Variants in PCDHA5 observed in about 807,000 individuals in gnomAD.
PCDHA5 encodes the protein protocadherin alpha 5.
A neutral mutation model predicts 61.6 loss-of-function variants in PCDHA5; 43 were observed. The observed-to-expected ratio is 0.70, with a 90% CI of 0.55 to 0.90. The LOEUF (loss-of-function observed/expected upper bound fraction) is 0.90. Among genes scored for constraint, PCDHA5 ranks in the 40% least tolerant of loss-of-function variants. The pLI, the probability that PCDHA5 is intolerant of heterozygous loss-of-function variation, is 0.00. For missense variants in PCDHA5, 1,298 were observed against 1,222.7 expected (o/e 1.06, Z -0.92); for synonymous variants, 627 against 543.9 (o/e 1.15, Z -2.13).
chr5:140,859,907 T>G (rs982789282), intron 1 of PCDHA5: 3 of 150,386 alleles, frequency 2.0e-5, no homozygotes, highest in African/African-American at 5.0e-5. Context: ...CCTTAATGTC[T>G]TATATTATAA....
chr5:140,866,148 A>G (rs1031440226), intron 1 of PCDHA5: 4 of 152,180 alleles, frequency 2.6e-5, no homozygotes, highest in South Asian at 4.1e-4. Flanking sequence ...TGGAAGTGAT[A>G]TAAGTAAGAA....
intron 1 of PCDHA5, among the ~76,000 whole-genome samples, chr5:140,945,295 T>G (rs2093770302): frequency 6.6e-6 from 1 of 152,084 alleles, no homozygotes; most frequent in Non-Finnish European, 1.5e-5. Flanking sequence ...TGAAAGAAAT[T>G]GAAGAAGACA....
chr5:140,856,440 G>C, intron 1 of PCDHA5: 2 of 1,598,404 alleles, frequency 1.3e-6, no homozygotes, highest in East Asian at 2.2e-5. Context: ...AACCCGCCCA[G>C]GTTCTCCGTA....
At chr5:140,834,330 C>T (rs1443082760) in intron 1 of PCDHA5, 11 of 1,472,318 alleles carry the variant, frequency 7.5e-6, no homozygotes, top group African/African-American at 1.4e-5. Context: ...AAAAACATTC[C>T]TATAAATTCG....
At chr5:140,928,321 A>C (rs1296238254) in intron 1 of PCDHA5, 2 of 1,614,044 alleles carry the variant, frequency 1.2e-6, no homozygotes, top group African/African-American at 2.7e-5. Context: ...CCTGGGGAAG[A>C]ATGGCCTTGT....
intron 1 of PCDHA5, chr5:140,835,958 C>T (rs2150249126): frequency 1.9e-6 from 3 of 1,613,058 alleles, no homozygotes; most frequent in Middle Eastern, 1.8e-4. Context: ...CGTTGGACCA[C>T]GAGGAGCTGG....
chr5:140,836,633 C>T, intron 1 of PCDHA5: 1 of 1,613,432 alleles, frequency 6.2e-7, no homozygotes, highest in Non-Finnish European at 8.5e-7. Flanking sequence ...GCTGGTCATT[C>T]TCCCAGCAGA....
chr5:140,926,495 T>G (rs1033428952), intron 1 of PCDHA5: 3 of 181,806 alleles, frequency 1.7e-5, no homozygotes, highest in Non-Finnish European at 3.4e-5. Flanking sequence ...TGTTAGTGTC[T>G]CGGGGCGTCT....
chr5:140,869,344 A>C (rs540952410), intron 1 of PCDHA5: 1 of 1,613,872 alleles, frequency 6.2e-7, no homozygotes, highest in Non-Finnish European at 8.5e-7. Flanking sequence ...AAATCTGCAG[A>C]ATGGCATTTT....
intron 1 of PCDHA5, chr5:140,841,832 A>G: frequency 6.2e-7 from 1 of 1,613,924 alleles, no homozygotes; most frequent in Non-Finnish European, 8.5e-7. Flanking sequence ...GTTAACCTAC[A>G]GGCTTAGCTC....
At chr5:140,883,521 T>G in intron 1 of PCDHA5, 1 of 1,614,202 alleles carries the variant, frequency 6.2e-7, no homozygotes, top group Non-Finnish European at 8.5e-7. Flanking sequence ...CGCGAGAGCG[T>G]ATCAGCCTAT....
chr5:140,968,293 G>A, intron 1 of PCDHA5: 1 of 1,613,962 alleles, frequency 6.2e-7, no homozygotes, highest in South Asian at 1.1e-5. Flanking sequence ...ACTCCCTTCT[G>A]GAGAGGGAGA....
At chr5:140,862,800 G>T (rs782261222) in intron 1 of PCDHA5, 1 of 575,550 alleles carries the variant, frequency 1.7e-6, no homozygotes, top group African/African-American at 2.0e-5. Flanking sequence ...AGGAGCTGGA[G>T]CTGCTGCAGT....
intron 1 of PCDHA5, among the ~76,000 whole-genome samples, chr5:140,838,114 GT>G (rs1730609309): frequency 6.7e-6 from 1 of 149,566 alleles, no homozygotes; most frequent in Non-Finnish European, 1.5e-5. Context: ...GTGTGTGTGT[GT>G]GTGTGTGTGT....
intron 1 of PCDHA5, among the ~76,000 whole-genome samples, chr5:140,916,847 C>G (rs1276107761): frequency 6.6e-6 from 1 of 152,116 alleles, no homozygotes; most frequent in Non-Finnish European, 1.5e-5. Flanking sequence ...GAGCCCAGCC[C>G]AGCACTAGGA....
intron 1 of PCDHA5, among the ~76,000 whole-genome samples, chr5:140,965,185 C>T (rs1348990210): frequency 6.6e-6 from 1 of 152,138 alleles, no homozygotes; most frequent in Non-Finnish European, 1.5e-5. Flanking sequence ...TTTTTTTGCA[C>T]ATGAGGCAAT....
chr5:140,872,075 C>T (rs1452265862), intron 1 of PCDHA5, among the ~76,000 whole-genome samples: 1 of 152,234 alleles, frequency 6.6e-6, no homozygotes, highest in Non-Finnish European at 1.5e-5. Flanking sequence ...GCTGGGAATG[C>T]AGTGCCACTG....
At chr5:140,850,996 T>A (rs2150505224) in intron 1 of PCDHA5, 3 of 1,441,956 alleles carry the variant, frequency 2.1e-6, no homozygotes, top group South Asian at 1.6e-5. Flanking sequence ...TTTCTAGAAA[T>A]CCAGCAGATT....
chr5:140,994,275 T>C (rs1296337913), intron 3 of PCDHA5, among the ~76,000 whole-genome samples: 1 of 152,156 alleles, frequency 6.6e-6, no homozygotes, highest in African/African-American at 2.4e-5. Flanking sequence ...AGGCTGCCTT[T>C]CTTGAGACAG....
Sources: gnomAD v4.1 joint callset for allele counts (sites outside exome capture counted in the v4.1 genomes callset) on GRCh38, gnomAD v4.1.1 for gene constraint, MANE v1.5 for transcripts, NCBI Gene and HGNC (gene_info 2026-07-23, HGNC 2026-07-21) for gene names.